Variants in SAMD5 observed in about 807,000 individuals in gnomAD.
SAMD5 encodes sterile alpha motif domain-containing protein 5.
Under a neutral mutation model 11.3 loss-of-function variants are expected in SAMD5, and 13 were observed. That is an observed-to-expected ratio of 1.15 (90% confidence interval 0.75 to 1.83). The LOEUF (loss-of-function observed/expected upper bound fraction) is 1.83, where lower values mean the gene tolerates loss of function less well. Ranked by LOEUF, SAMD5 falls within the 40% of genes most tolerant of loss-of-function variation. The pLI, the probability that SAMD5 is intolerant of heterozygous loss-of-function variation, is 0.00. For missense variants in SAMD5, 255 were observed against 239.1 expected (o/e 1.07, Z -0.44); for synonymous variants, 129 against 111.3 (o/e 1.16, Z -1.00).
At chr6:147,516,491 G>C (rs1788172895) in intron 1 of SAMD5, among the ~76,000 whole-genome samples, 2 of 152,190 alleles carry the variant, frequency 1.3e-5, no homozygotes, top group Admixed American at 6.5e-5. Context: ...TTATGGAGAT[G>C]AGATGAGCTA....
chr6:147,620,550 A>G (rs1789943767), intron 1 of SAMD5, among the ~76,000 whole-genome samples: 1 of 152,210 alleles, frequency 6.6e-6, no homozygotes, highest in Admixed American at 6.5e-5. Context: ...TTCTGCTTCA[A>G]GGTAGAAGAA....
intron 1 of SAMD5, among the ~76,000 whole-genome samples, chr6:147,607,403 G>A (rs1281688674): frequency 6.6e-6 from 1 of 152,024 alleles, no homozygotes; most frequent in Non-Finnish European, 1.5e-5. Context: ...AAAACTGGAG[G>A]AATCACAACA....
chr6:147,760,261 C>T, the SAMD5 span, among the ~76,000 whole-genome samples: 3 of 151,998 alleles, frequency 2.0e-5, no homozygotes, highest in African/African-American at 7.3e-5. Context: ...TCTGCCGAGC[C>T]GCAATGGACA....
chr6:147,588,678 T>TA (rs1318381757), intron 1 of SAMD5, among the ~76,000 whole-genome samples: 5 of 152,120 alleles, frequency 3.3e-5, no homozygotes, highest in African/African-American at 1.2e-4. Context: ...TGTTTTTTTT[T>TA]ACTCTGTGAT....
the SAMD5 span, among the ~76,000 whole-genome samples, chr6:147,930,005 A>G: frequency 0.22 from 34,133 of 152,136 alleles, 4,205 homozygotes; most frequent in South Asian, 0.44. Context: ...TAGATTGTGC[A>G]GCATCCCTGG....
At chr6:147,685,764 T>C (rs1791002017) in intron 1 of SAMD5, among the ~76,000 whole-genome samples, 1 of 152,202 alleles carries the variant, frequency 6.6e-6, no homozygotes, top group African/African-American at 2.4e-5. Flanking sequence ...TTGTAGAACA[T>C]CATGTGGGTT....
intron 1 of SAMD5, among the ~76,000 whole-genome samples, chr6:147,523,631 T>C (rs1212481499): frequency 6.6e-6 from 1 of 152,216 alleles, no homozygotes; most frequent in East Asian, 1.9e-4. Context: ...AGTATTTTCA[T>C]GGCCAGAAAG....
chr6:147,580,356 C>A (rs1789279019), intron 1 of SAMD5, among the ~76,000 whole-genome samples: 1 of 152,202 alleles, frequency 6.6e-6, no homozygotes. Flanking sequence ...CTTATCAGAC[C>A]TCCTCTTACG....
At chr6:147,647,907 T>G (rs1254394770) in intron 1 of SAMD5, among the ~76,000 whole-genome samples, 1 of 152,220 alleles carries the variant, frequency 6.6e-6, no homozygotes, top group Non-Finnish European at 1.5e-5. Flanking sequence ...AGAGTGTTGA[T>G]GTTCACTCAA....
intron 1 of SAMD5, among the ~76,000 whole-genome samples, chr6:147,510,698 A>G (rs1788075261): frequency 6.6e-6 from 1 of 152,212 alleles, no homozygotes; most frequent in South Asian, 2.1e-4. Context: ...AATATTATCT[A>G]CTACCTTGCA....
chr6:147,856,898 C>T, the SAMD5 span, among the ~76,000 whole-genome samples: 6 of 149,186 alleles, frequency 4.0e-5, no homozygotes, highest in African/African-American at 1.3e-4. Context: ...CAAAAAATGT[C>T]GGCAACAATG....
At chr6:147,521,022 C>T (rs558679322) in intron 1 of SAMD5, among the ~76,000 whole-genome samples, 1 of 152,166 alleles carries the variant, frequency 6.6e-6, no homozygotes, top group South Asian at 2.1e-4. Context: ...ATTCTCCTTC[C>T]CTCCTGAAAA....
At chr6:147,830,296 G>T in the SAMD5 span, among the ~76,000 whole-genome samples, 2 of 100,914 alleles carry the variant, frequency 2.0e-5, no homozygotes, top group African/African-American at 3.8e-5. Flanking sequence ...TTACTCTGTT[G>T]CCCAGGTTGG....
chr6:147,877,847 T>TACACACAC, the SAMD5 span, among the ~76,000 whole-genome samples: 8,547 of 112,402 alleles, frequency 0.076, 431 homozygotes, highest in Non-Finnish European at 0.087. Context: ...TTTATATAAA[T>TACACACAC]ACACACACAC....
the SAMD5 span, among the ~76,000 whole-genome samples, chr6:147,767,338 T>G: frequency 6.7e-6 from 1 of 149,900 alleles, no homozygotes; most frequent in East Asian, 1.9e-4. Context: ...AAAATCTCCC[T>G]CTAGAGCTGG....
At chr6:147,658,492 T>C (rs1160920743) in intron 1 of SAMD5, among the ~76,000 whole-genome samples, 2 of 152,136 alleles carry the variant, frequency 1.3e-5, no homozygotes, top group East Asian at 1.9e-4. Context: ...AGATAATTGA[T>C]ACTATTCATC....
chr6:147,822,769 C>G, the SAMD5 span, among the ~76,000 whole-genome samples: 1 of 152,158 alleles, frequency 6.6e-6, no homozygotes, highest in African/African-American at 2.4e-5. Flanking sequence ...AAGTGAGTGA[C>G]TGAATGCAAA....
the SAMD5 span, among the ~76,000 whole-genome samples, chr6:147,896,936 G>T: frequency 6.6e-6 from 1 of 152,090 alleles, no homozygotes; most frequent in Non-Finnish European, 1.5e-5. Flanking sequence ...TGTATTGCAT[G>T]ATTCCATTTA....
chr6:147,765,270 A>G, the SAMD5 span, among the ~76,000 whole-genome samples: 1 of 152,112 alleles, frequency 6.6e-6, no homozygotes, highest in Non-Finnish European at 1.5e-5. Flanking sequence ...GGAATGAACC[A>G]TTTTCTCAAA....
Sources: allele counts gnomAD v4.1 joint callset (sites outside exome capture counted in the v4.1 genomes callset), GRCh38; gene constraint gnomAD v4.1.1; transcripts MANE v1.5; gene names NCBI Gene and HGNC (gene_info 2026-07-23, HGNC 2026-07-21).